The following CNTLN variants were observed in gnomAD, a reference collection of about 807,000 sequenced individuals.
CNTLN encodes the protein centlein.
Under a neutral mutation model 180.0 loss-of-function variants are expected in CNTLN, and 212 were observed. That is an observed-to-expected ratio of 1.18 (90% CI 1.05 to 1.32). The LOEUF (loss-of-function observed/expected upper bound fraction) is 1.32, where lower values mean the gene tolerates loss of function less well. Among genes scored for constraint, CNTLN ranks in the 40% most tolerant of loss-of-function variants. The pLI is 0.00. For missense variants in CNTLN, 2,095 were observed against 1,610.9 expected, an observed-to-expected ratio of 1.30 and a Z score of -5.14; for synonymous variants, 722 against 563.1, an observed-to-expected ratio of 1.28 and a Z score of -3.99.
Position 17,347,626 on chromosome 9 carries a change from GCCATTGCACT to G in CNTLN, c.1886+5186_1886+5195del, listed in dbSNP as rs372827398. 5.4e-4 allele frequency among the ~76,000 whole-genome samples: 80 copies of G among 147,432 alleles called. 3 individuals carry two copies. Among genetic ancestry groups the G allele is most frequent in the African/African-American group, 1.9e-3 (76 of 40,214 alleles). ...GGAGGTTGCAGTGAACCGAGATCAT[GCCATTGCACT>G]CCAACCTGGGTCTGGGTGACAGTAA... On this transcript the variant is annotated intron_variant, in intron 12 of 25. Coordinates refer to ENST00000380647, the MANE Select transcript of CNTLN (RefSeq NM_017738.4).
At chr9:17,494,082 G>T (rs1197574415) in intron 25 of CNTLN, among the ~76,000 whole-genome samples, 2 of 152,212 alleles carry the variant, frequency 1.3e-5, no homozygotes, top group African/African-American at 2.4e-5. Context: ...CCTTGTAAAA[G>T]TGTTTTGTCA....
chr9:17,278,002 C>G (rs753448570), intron 6 of CNTLN, among the ~76,000 whole-genome samples: 31 of 152,104 alleles, frequency 2.0e-4, no homozygotes, highest in Non-Finnish European at 3.8e-4. Flanking sequence ...CCAGAAGGGA[C>G]AAGAATTAGT....
chr9:17,237,335 C>G (rs1007262923), intron 5 of CNTLN, among the ~76,000 whole-genome samples: 3 of 144,634 alleles, frequency 2.1e-5, no homozygotes, highest in Admixed American at 7.1e-5. Flanking sequence ...ATATGGTGGT[C>G]TCTCCATGTA....
chr9:17,247,015 T>C lies in CNTLN; in HGVS notation c.849+10427T>C, dbSNP rs78204563. On this transcript the variant is annotated intron_variant, in intron 5 of 25. Coordinates refer to ENST00000380647, the MANE Select transcript of CNTLN (RefSeq NM_017738.4). ...TCAGCTGGTGTCTAAGTTGCAAGAC[T>C]AAGTCCTCTTAATTCTCTACTCTCC... 6.0e-3 allele frequency among the ~76,000 whole-genome samples: 915 copies of C among 152,248 alleles called. 16 individuals carry two copies. The highest frequency in any genetic ancestry group is 0.021 in the African/African-American group (872 of 41,560).
chr9:17,247,841 T>G (rs1266877488), intron 5 of CNTLN, among the ~76,000 whole-genome samples: 3 of 150,470 alleles, frequency 2.0e-5, no homozygotes, highest in African/African-American at 7.3e-5. Flanking sequence ...TTTCTTTTTT[T>G]TTTTTTTTGA....
At chr9:17,441,364 C>A (rs1337825888) in intron 18 of CNTLN, among the ~76,000 whole-genome samples, 3 of 152,012 alleles carry the variant, frequency 2.0e-5, no homozygotes, top group African/African-American at 7.2e-5. Flanking sequence ...AAAAACATAA[C>A]TAAAAATATG....
intron 6 of CNTLN, among the ~76,000 whole-genome samples, chr9:17,279,847 A>G (rs541084214): frequency 2.0e-5 from 1 of 50,690 alleles, no homozygotes; most frequent in African/African-American, 1.2e-4. Flanking sequence ...GCCTTCATGA[A>G]TGAATTAATC....
chr9:17,362,608 TACA>T (rs1335078110), intron 12 of CNTLN, among the ~76,000 whole-genome samples: 1 of 152,236 alleles, frequency 6.6e-6, no homozygotes, highest in Non-Finnish European at 1.5e-5. Context: ...TAACAATAAT[TACA>T]ACAACTTGTG....
chr9:17,216,733 T>G (rs1022527649), intron 2 of CNTLN, among the ~76,000 whole-genome samples: 1 of 152,240 alleles, frequency 6.6e-6, no homozygotes, highest in African/African-American at 2.4e-5. Context: ...CTCCTGCTCC[T>G]TTCCACTCTA....
chr9:17,400,958 A>C (rs909964040), intron 15 of CNTLN, among the ~76,000 whole-genome samples: 1 of 152,206 alleles, frequency 6.6e-6, no homozygotes, highest in Admixed American at 6.5e-5. Context: ...TTATGATTGC[A>C]AAGATTTTTA....
intron 5 of CNTLN, among the ~76,000 whole-genome samples, chr9:17,272,275 C>A (rs1828008284): frequency 6.6e-6 from 1 of 152,024 alleles, no homozygotes; most frequent in Admixed American, 6.6e-5. Flanking sequence ...CGGGGTTTCA[C>A]CACGTTGGCT....
chr9:17,398,859 C>T (rs1307563239), intron 15 of CNTLN, among the ~76,000 whole-genome samples: 1 of 152,290 alleles, frequency 6.6e-6, no homozygotes, highest in East Asian at 1.9e-4. Flanking sequence ...AAAGCAGTTA[C>T]AAGAAAAGCT....
chr9:17,388,333 C>A (rs17830246), intron 14 of CNTLN, 80 bp downstream of exon 14: 36,913 of 920,776 alleles, frequency 0.04, 1,196 homozygotes, highest in South Asian at 0.12. Context: ...AAAACGAGGG[C>A]TTGTAAATGT....
In CNTLN at chr9:17,302,202, C is replaced by CTT. The variant is rs57095710; in HGVS notation, c.1146+3863_1146+3864dup. ...CATCATATTAACCATATGCAATTCA[C>CTT]TTTTTTTTTTTTTTGACAGTGTCTC... On this transcript the variant is annotated intron_variant, in intron 7 of 25. Transcript: ENST00000380647. 2.3e-3 allele frequency among the ~76,000 whole-genome samples: 335 copies of CTT among 143,406 alleles called. 5 individuals carry two copies. The highest frequency in any genetic ancestry group is 7.8e-3 in the African/African-American group (304 of 38,908). 94.1% of individuals were successfully genotyped at this position (143,406 alleles called of 152,430 possible).
intron 18 of CNTLN, among the ~76,000 whole-genome samples, chr9:17,422,965 C>G (rs1394399168): frequency 6.6e-6 from 1 of 152,176 alleles, no homozygotes; most frequent in Non-Finnish European, 1.5e-5. Context: ...CACTGTGATT[C>G]TTGCAGACTT....
chr9:17,290,765 C>A (rs1468761644), intron 6 of CNTLN, among the ~76,000 whole-genome samples: 1 of 151,656 alleles, frequency 6.6e-6, no homozygotes, highest in East Asian at 1.9e-4. Context: ...GGGAGTGACC[C>A]GATTTTCCAG....
intron 8 of CNTLN, among the ~76,000 whole-genome samples, chr9:17,324,235 C>A (rs1342447706): frequency 2.0e-5 from 3 of 151,934 alleles, no homozygotes; most frequent in Non-Finnish European, 4.4e-5. Flanking sequence ...AGAGATACAC[C>A]ACAAAAAAGT....
In CNTLN at chr9:17,135,519, C is replaced by T. The variant is rs1025710663; in HGVS notation, c.360+94C>T. 17 of 1,428,346 alleles carry T rather than the reference C, an allele frequency of 1.2e-5. No homozygotes were observed. The Admixed American group carries it at 2.7e-4, about 23-fold the overall frequency. The allele number at this position is 1,428,346 out of a possible 1,614,324, so 88.5% of individuals were successfully genotyped here. On this transcript the variant is annotated intron_variant, in intron 1 of 25. Coordinates refer to ENST00000380647, the MANE Select transcript of CNTLN (RefSeq NM_017738.4). ...TTTCTCCCTCTGCCTTGGGACCTAC[C>T]CCGCCCAGCGACGCTCCCTGGCAGA...
chr9:17,456,869 T>G (rs1293384368), intron 18 of CNTLN, among the ~76,000 whole-genome samples: 1 of 152,136 alleles, frequency 6.6e-6, no homozygotes, highest in Admixed American at 6.6e-5. Context: ...CATAAAAACA[T>G]TACTATTATG....
Sources: allele counts gnomAD v4.1 joint callset (sites outside exome capture counted in the v4.1 genomes callset), GRCh38; gene constraint gnomAD v4.1.1; transcripts MANE v1.5; gene names NCBI Gene and HGNC (gene_info 2026-07-23, HGNC 2026-07-21).